The following MAP3K13 variants were observed in gnomAD, a reference collection of about 807,000 sequenced individuals.
MAP3K13 encodes the protein mitogen-activated protein kinase kinase kinase 13.
Under a neutral mutation model 104.0 loss-of-function variants are expected in MAP3K13, and 52 were observed. The ratio of observed to expected loss-of-function variants is 0.50; its 90% confidence interval spans 0.40 to 0.63. MAP3K13 has a LOEUF of 0.63. Among genes scored for constraint, MAP3K13 ranks in the 20% least tolerant of loss-of-function variants. The pLI is 0.00. For missense variants in MAP3K13, 914 were observed against 1,218.5 expected, an observed-to-expected ratio of 0.75 and a Z score of 3.72; for synonymous variants, 394 against 442.2, an observed-to-expected ratio of 0.89 and a Z score of 1.37.
chr3:185,307,331 A>G (rs1471473639), intron 2 of MAP3K13, among the ~76,000 whole-genome samples: 1 of 151,414 alleles, frequency 6.6e-6, no homozygotes, highest in Non-Finnish European at 1.5e-5. Flanking sequence ...ATATTGGTCA[A>G]CTAGATGGTG....
At chr3:185,402,905 G>A (rs1675894570) in intron 1 of MAP3K13, among the ~76,000 whole-genome samples, 1 of 152,134 alleles carries the variant, frequency 6.6e-6, no homozygotes, top group Admixed American at 6.6e-5. Context: ...CCCCCTGGCT[G>A]AACTGCTTTT....
chr3:185,331,867 C>T (rs1722296612), intron 2 of MAP3K13, among the ~76,000 whole-genome samples: 1 of 152,054 alleles, frequency 6.6e-6, no homozygotes, highest in Non-Finnish European at 1.5e-5. Context: ...TCTTATTTCC[C>T]TCCTTTTTAC....
At chr3:185,432,411 G>A (rs1402168471) in intron 2 of MAP3K13, among the ~76,000 whole-genome samples, 2 of 151,982 alleles carry the variant, frequency 1.3e-5, no homozygotes, top group African/African-American at 4.8e-5. Context: ...GGCTGGTCTT[G>A]AACTCCTGAC....
intron 7 of MAP3K13, among the ~76,000 whole-genome samples, chr3:185,459,173 C>G (rs1716946617): frequency 6.6e-6 from 1 of 152,118 alleles, no homozygotes; most frequent in Admixed American, 6.6e-5. Flanking sequence ...TTAGACTCTG[C>G]TGCCTTAAAA....
intron 2 of MAP3K13, among the ~76,000 whole-genome samples, chr3:185,299,228 A>G (rs148992284): frequency 0.023 from 3,533 of 152,362 alleles, 54 homozygotes; most frequent in South Asian, 0.052. Context: ...GAAGAGAGAC[A>G]GGACACAGAA....
intron 2 of MAP3K13, among the ~76,000 whole-genome samples, chr3:185,288,540 G>GTGTGTGTGTGTGTATA (rs1437773195): frequency 2.1e-5 from 3 of 140,118 alleles, no homozygotes; most frequent in African/African-American, 7.5e-5. Context: ...GTGTTTGTGT[G>GTGTGTGTGTGTGTATA]TATATATATA....
chr3:185,480,334 C>T lies in MAP3K13; in HGVS notation c.2604C>T (p.Asn868=). Residue 868 remains asparagine, a synonymous_variant, in exon 13 of 14, where the codon AAC becomes AAT. Transcript: ENST00000265026. The part of the protein sequence containing the change: ...GEEGNTSDHS[N]SPDELADKLE... ...AGGGAAATACCAGTGACCACTCAAA[C>T]AGTCCTGATGAGTTAGCTGATAAAC... The T allele has an allele frequency of 6.2e-7, 1 of 1,614,188 alleles. No individual in the cohort carries two copies. The highest frequency in any genetic ancestry group is 8.5e-7 in the Non-Finnish European group (1 of 1,180,030).
At chr3:185,410,008 C>T (rs1192723241) in intron 1 of MAP3K13, among the ~76,000 whole-genome samples, 1 of 152,144 alleles carries the variant, frequency 6.6e-6, no homozygotes, top group African/African-American at 2.4e-5. Context: ...ATAAGGCGCG[C>T]ACAACCTTAT....
chr3:185,341,092 C>T (rs947234610), intron 2 of MAP3K13, among the ~76,000 whole-genome samples: 9 of 151,978 alleles, frequency 5.9e-5, no homozygotes, highest in Non-Finnish European at 1.0e-4. Flanking sequence ...TTCAACACAC[C>T]ACAACACCAA....
chr3:185,289,493 T>G (rs1021574274), intron 2 of MAP3K13, among the ~76,000 whole-genome samples: 14 of 152,158 alleles, frequency 9.2e-5, no homozygotes, highest in Admixed American at 5.2e-4. Flanking sequence ...TACTTGAACT[T>G]CAAATTATAA....
chr3:185,288,020 T>G (rs1216098980), intron 2 of MAP3K13, among the ~76,000 whole-genome samples: 2 of 152,162 alleles, frequency 1.3e-5, no homozygotes. Flanking sequence ...CTGGGCAAAC[T>G]TGGCAGAGTA....
At chr3:185,449,536 G>C (rs1489113657) in intron 5 of MAP3K13, among the ~76,000 whole-genome samples, 1 of 151,850 alleles carries the variant, frequency 6.6e-6, no homozygotes, top group Non-Finnish European at 1.5e-5. Flanking sequence ...TTTCCTAGCT[G>C]TTCCAACAAC....
intron 2 of MAP3K13, among the ~76,000 whole-genome samples, chr3:185,287,035 T>C (rs1213447007): frequency 2.0e-5 from 3 of 152,186 alleles, no homozygotes; most frequent in Non-Finnish European, 4.4e-5. Flanking sequence ...GTTAAGTTTT[T>C]TTCAGAGCTG....
intron 2 of MAP3K13, among the ~76,000 whole-genome samples, chr3:185,344,649 T>G (rs1294394104): frequency 2.0e-5 from 3 of 152,098 alleles, no homozygotes; most frequent in Non-Finnish European, 1.5e-5. Flanking sequence ...CAACACAGAG[T>G]ACCGCCTTAA....
upstream of MAP3K13, among the ~76,000 whole-genome samples, chr3:185,359,309 A>C (rs1723507204): frequency 6.6e-6 from 1 of 152,132 alleles, no homozygotes; most frequent in Admixed American, 6.6e-5. Flanking sequence ...TGCCCCCATG[A>C]TTCAATTACC....
chr3:185,430,391 T>C (rs1242533569), intron 2 of MAP3K13, among the ~76,000 whole-genome samples: 1 of 152,156 alleles, frequency 6.6e-6, no homozygotes, highest in African/African-American at 2.4e-5. Flanking sequence ...GGATTTACTG[T>C]ACAGATTATT....
At chr3:185,433,636 C>A (rs975217672) in intron 2 of MAP3K13, among the ~76,000 whole-genome samples, 2 of 152,120 alleles carry the variant, frequency 1.3e-5, no homozygotes, top group African/African-American at 4.8e-5. Context: ...ATTGTTGAAG[C>A]ATTACTTTCT....
Position 185,450,105 on chromosome 3 carries a change from T to C in MAP3K13, c.1169+47T>C. On this transcript the variant is annotated intron_variant, in intron 6 of 13. Transcript: ENST00000265026. The surrounding 1 kb of genome is among the most constrained non-coding windows in gnomAD (Gnocchi z 4.2). ...CAATAGGGAGGTCTCTAATGTGTATTTGGAGTAAATATCCTGGTGGTGGAA... is the reference window on the plus strand; with the variant it reads ...CAATAGGGAGGTCTCTAATGTGTATCTGGAGTAAATATCCTGGTGGTGGAA... 1 of 1,478,820 alleles carries C rather than the reference T, an allele frequency of 6.8e-7. No individual in the cohort carries two copies. 91.6% of individuals were successfully genotyped at this position (1,478,820 alleles called of 1,614,324 possible).
chr3:185,285,364 C>T (rs1236355757), intron 1 of MAP3K13: 1 of 340,416 alleles, frequency 2.9e-6, no homozygotes, highest in Non-Finnish European at 5.4e-6. Context: ...ATTTTGCTAC[C>T]TCAGTCTCCT....
Sources: allele counts gnomAD v4.1 joint callset (sites outside exome capture counted in the v4.1 genomes callset), GRCh38; gene constraint gnomAD v4.1.1; non-coding constraint Gnocchi (gnomAD v3.1); transcripts MANE v1.5; gene names NCBI Gene and HGNC (gene_info 2026-07-23, HGNC 2026-07-21).